The following SGK1 variants were observed in gnomAD, a reference collection of about 807,000 sequenced individuals.
The protein encoded by SGK1 is serine/threonine-protein kinase Sgk1.
SGK1 carries 26 observed loss-of-function variants against 64.2 expected under a neutral mutation model. The ratio of observed to expected loss-of-function variants is 0.40; its 90% confidence interval spans 0.30 to 0.56. SGK1 has a LOEUF of 0.56. Ranked by LOEUF, SGK1 falls within the 20% of genes least tolerant of loss-of-function variation. The pLI is 0.38. For synonymous variants in SGK1, 265 were observed against 239.7 expected (o/e 1.11, Z -0.98); for missense variants, 519 against 645.6 (o/e 0.80, Z 2.12).
At chr6:134,181,706 AC>A (rs1287360120) in intron 3 of SGK1, among the ~76,000 whole-genome samples, 1 of 152,090 alleles carries the variant, frequency 6.6e-6, no homozygotes, top group Admixed American at 6.6e-5. Context: ...AGCTCGGGCC[AC>A]CCCTAAGGAC....
intron 2 of SGK1, among the ~76,000 whole-genome samples, chr6:134,252,361 G>A (rs753802014): frequency 2.6e-5 from 4 of 152,134 alleles, no homozygotes; most frequent in Admixed American, 6.5e-5. Context: ...CAATGTGCGC[G>A]TTGCACAGAC....
intron 1 of SGK1, among the ~76,000 whole-genome samples, chr6:134,306,907 T>G (rs369146739): frequency 1.2e-5 from 1 of 80,266 alleles, no homozygotes; most frequent in African/African-American, 5.7e-5. Context: ...TACAAAGAAA[T>G]AAAAGGGGGG....
At chr6:134,191,428 C>T (rs570024131) in intron 3 of SGK1, among the ~76,000 whole-genome samples, 2 of 152,254 alleles carry the variant, frequency 1.3e-5, no homozygotes, top group East Asian at 1.9e-4. Context: ...TAGCATCAAT[C>T]GTTAAAGTTC....
intron 3 of SGK1, chr6:134,174,883 G>T (rs1017012332): frequency 1.3e-6 from 2 of 1,595,788 alleles, no homozygotes; most frequent in Non-Finnish European, 1.7e-6. Context: ...CCGCGCGCTC[G>T]GCCTTATAAA....
intron 1 of SGK1, among the ~76,000 whole-genome samples, chr6:134,276,663 C>T (rs1777021715): frequency 6.6e-6 from 1 of 152,164 alleles, no homozygotes; most frequent in Non-Finnish European, 1.5e-5. Context: ...TAAGCACTGT[C>T]CACAGATTAG....
chr6:134,254,919 A>AG (rs1205935155), intron 2 of SGK1, among the ~76,000 whole-genome samples: 1 of 151,880 alleles, frequency 6.6e-6, no homozygotes, highest in Non-Finnish European at 1.5e-5. Context: ...CCCAGGTTAG[A>AG]GTGCAGTGGC....
chr6:134,295,742 G>C (rs1777338924), intron 1 of SGK1, among the ~76,000 whole-genome samples: 2 of 151,614 alleles, frequency 1.3e-5, no homozygotes, highest in Non-Finnish European at 2.9e-5. Flanking sequence ...GCAACCTGGA[G>C]GATTCTATGG....
At chr6:134,180,833 C>T (rs1264449251) in intron 3 of SGK1, among the ~76,000 whole-genome samples, 5 of 149,306 alleles carry the variant, frequency 3.3e-5, no homozygotes, top group Non-Finnish European at 4.4e-5. Flanking sequence ...GATCTTGCCA[C>T]TGCACTCTCG....
At chr6:134,177,236 AAAAC>A (rs1373611653) in intron 3 of SGK1, among the ~76,000 whole-genome samples, 4 of 108,326 alleles carry the variant, frequency 3.7e-5, no homozygotes, top group African/African-American at 1.6e-4. Context: ...AAACAAAAAC[AAAAC>A]AAAAACAAAA....
At chr6:134,301,299 A>T (rs1465684433) in intron 1 of SGK1, among the ~76,000 whole-genome samples, 5 of 152,314 alleles carry the variant, frequency 3.3e-5, no homozygotes, top group African/African-American at 1.2e-4. Context: ...GGAGAACTAC[A>T]GTAAGAGGGA....
intron 1 of SGK1, among the ~76,000 whole-genome samples, chr6:134,275,475 T>G (rs1777005611): frequency 6.6e-6 from 1 of 152,258 alleles, no homozygotes; most frequent in South Asian, 2.1e-4. Context: ...TTCAAACCTG[T>G]TTCATCAGGA....
At chr6:134,173,971 T>C (rs772698835) in intron 5 of SGK1, 34 bp downstream of exon 5, 1 of 1,472,032 alleles carries the variant, frequency 6.8e-7, no homozygotes, top group Non-Finnish European at 9.5e-7. Context: ...CCCTTACAGT[T>C]CTCCACAGAT....
chr6:134,300,893 CA>C (rs1056624900), intron 1 of SGK1, among the ~76,000 whole-genome samples: 1 of 152,014 alleles, frequency 6.6e-6, no homozygotes, highest in African/African-American at 2.4e-5. Context: ...CTCGGCCTCC[CA>C]AAGTGGTAGG....
chr6:134,205,589 G>A (rs756610276), intron 3 of SGK1, among the ~76,000 whole-genome samples: 6 of 152,306 alleles, frequency 3.9e-5, no homozygotes, highest in Middle Eastern at 3.4e-3. Flanking sequence ...CCTAAGAAGC[G>A]TGCTATAGAA....
intron 1 of SGK1, among the ~76,000 whole-genome samples, chr6:134,312,174 T>C (rs1777618448): frequency 6.6e-6 from 1 of 152,204 alleles, no homozygotes; most frequent in Non-Finnish European, 1.5e-5. Context: ...ACAAATCAGT[T>C]AACCTCTGAC....
chr6:134,196,729 T>A (rs978368890), intron 3 of SGK1, among the ~76,000 whole-genome samples: 1 of 152,134 alleles, frequency 6.6e-6, no homozygotes, highest in East Asian at 1.9e-4. Context: ...GATAGAGAAA[T>A]TGATTTTTAA....
At chr6:134,221,971 G>C (rs767822955) in intron 2 of SGK1, among the ~76,000 whole-genome samples, 1 of 151,998 alleles carries the variant, frequency 6.6e-6, no homozygotes, top group South Asian at 2.1e-4. Context: ...ATAAATCTTC[G>C]TTACTTATCC....
intron 1 of SGK1, among the ~76,000 whole-genome samples, chr6:134,312,587 G>A (rs567602595): frequency 2.7e-4 from 41 of 152,214 alleles, no homozygotes; most frequent in Non-Finnish European, 5.6e-4. Context: ...AATGTTGACA[G>A]GCATTCGGGA....
At chr6:134,267,068 A>G (rs1394285762) in intron 1 of SGK1, among the ~76,000 whole-genome samples, 2 of 152,138 alleles carry the variant, frequency 1.3e-5, no homozygotes, top group African/African-American at 4.8e-5. Context: ...TATATTTGTA[A>G]GTTGTATGCC....
Sources: gnomAD v4.1 joint callset for allele counts (sites outside exome capture counted in the v4.1 genomes callset) on GRCh38, gnomAD v4.1.1 for gene constraint, MANE v1.5 for transcripts, NCBI Gene and HGNC (gene_info 2026-07-23, HGNC 2026-07-21) for gene names.